The following NSA2 variants were observed in gnomAD, a reference collection of about 807,000 sequenced individuals.
The protein encoded by NSA2 is NSA2 ribosome biogenesis factor.
In NSA2, 18 loss-of-function variants were observed where a neutral mutation model predicts 34.8. The observed-to-expected ratio is 0.52, with a 90% confidence interval of 0.36 to 0.77. The LOEUF (loss-of-function observed/expected upper bound fraction) is 0.77, where lower values mean the gene tolerates loss of function less well. NSA2 is among the 30% of genes least tolerant of loss of function. The pLI, the probability that NSA2 is intolerant of heterozygous loss-of-function variation, is 0.00. For missense variants in NSA2, 188 were observed against 314.7 expected, an observed-to-expected ratio of 0.60 and a Z score of 3.05; for synonymous variants, 79 against 100.2, an observed-to-expected ratio of 0.79 and a Z score of 1.26.
intron 4 of NSA2, 25 bp downstream of exon 4, chr5:74,770,835 A>C (rs1220727792): frequency 6.7e-7 from 1 of 1,481,558 alleles, no homozygotes; most frequent in South Asian, 1.4e-5. Flanking sequence ...GAGTGTAATG[A>C]CCGAAATGTT....
Position 74,773,944 on chromosome 5 carries a change from A to G in NSA2, c.599A>G (p.Lys200Arg), listed in dbSNP as rs774400620. The G allele has an allele frequency of 3.1e-6, 5 of 1,614,026 alleles. No homozygotes were observed. The highest frequency in any genetic ancestry group is 1.7e-4 in the Middle Eastern group (1 of 6,060). The part of the protein sequence containing the change: ...ATFCLPILGV[K>R]KNPSSPLYTT... ...TTTTGCCTACCAATACTTGGTGTAAAGAAGAATCCCTCATCCCCACTGTAT... is the reference window on the plus strand; with the variant it reads ...TTTTGCCTACCAATACTTGGTGTAAGGAAGAATCCCTCATCCCCACTGTAT... Residue 200 changes from lysine to arginine, a missense_variant, in exon 5 of 6, where the codon AAG becomes AGG. Coordinates refer to ENST00000610426, the MANE Select transcript of NSA2 (RefSeq NM_014886.6).
intron 4 of NSA2, among the ~76,000 whole-genome samples, chr5:74,772,293 T>A (rs1053481779): frequency 6.6e-6 from 1 of 151,872 alleles, no homozygotes. Context: ...CCCGGCTAAT[T>A]TTTTTGTATT....
chr5:74,769,185 A>G, intron 2 of NSA2, 29 bp from the exon 3 acceptor site: 2 of 1,593,384 alleles, frequency 1.3e-6, no homozygotes, highest in Middle Eastern at 1.7e-4. Flanking sequence ...TAAAACAGAT[A>G]ATCTTGAATC....
intron 5 of NSA2, among the ~76,000 whole-genome samples, chr5:74,774,274 A>G (rs796814145): frequency 1.3e-5 from 2 of 152,352 alleles, no homozygotes; most frequent in South Asian, 2.1e-4. Context: ...GGTTTTAGTT[A>G]CATAAGGTGT....
In NSA2 at chr5:74,769,261, A is replaced by C; in HGVS notation, c.239A>C (p.Lys80Thr). The C allele has an allele frequency of 6.2e-7, 1 of 1,612,446 alleles. No homozygotes were observed. Among genetic ancestry groups the C allele is most frequent in the Non-Finnish European group, 8.5e-7 (1 of 1,179,598 alleles). Residue 80 changes from lysine to threonine, a missense_variant, in exon 3 of 6, where the codon AAG becomes ACG. By Grantham distance (78) the Lys-to-Thr change is moderately conservative. Transcript: ENST00000610426. ...AACACCAAACAAAAGAATGATGAAAAGACACCACAGGGAGCAGTACCTGCC... is the reference window on the plus strand; with the variant it reads ...AACACCAAACAAAAGAATGATGAAACGACACCACAGGGAGCAGTACCTGCC... ...KRNTKQKNDE[K>T]TPQGAVPAYL...
chr5:74,770,264 G>A (rs1302944177), intron 3 of NSA2, among the ~76,000 whole-genome samples: 1 of 151,224 alleles, frequency 6.6e-6, no homozygotes, highest in South Asian at 2.1e-4. Context: ...CCAGGAGGCG[G>A]AGGCTGCACA....
intron 4 of NSA2, 23 bp from the exon 5 acceptor site, chr5:74,773,844 CT>C: frequency 6.3e-7 from 1 of 1,592,752 alleles, no homozygotes; most frequent in Middle Eastern, 1.8e-4. Flanking sequence ...CGTAAACATT[CT>C]TATGTTGTGT....
rs1486356161 is a variant in NSA2 at position 74,777,281 on chromosome 5, A to AAAAT, written c.*611_*614dup. On this transcript the variant is annotated 3_prime_UTR_variant, in exon 6 of 6. Coordinates refer to ENST00000610426, the MANE Select transcript of NSA2 (RefSeq NM_014886.6). ...GGCACTATTTTCTACTTGAATCATGAAAATGAAAAAAATATACTAAAGTCT... is the reference window on the plus strand; with the variant it reads ...GGCACTATTTTCTACTTGAATCATGAAAATAAATGAAAAAAATATACTAAAGTCT... The AAAAT allele has an allele frequency of 2.0e-5, 3 of 152,296 alleles. No homozygotes were observed. The South Asian group carries it at 6.2e-4, about 32-fold the overall frequency. 9.4% of individuals were successfully genotyped at this position (152,296 alleles called of 1,614,324 possible). A position where few individuals can be genotyped will look rare whatever the true frequency, so the allele number is the denominator to read the frequency against.
rs1379616651 is a variant in NSA2 at position 74,776,800 on chromosome 5, T to C, written c.*129T>C. The C allele has an allele frequency of 1.8e-6, 1 of 562,486 alleles. No homozygotes were observed. Among genetic ancestry groups the C allele is most frequent in the African/African-American group, 1.9e-5 (1 of 52,000 alleles). 34.8% of individuals were successfully genotyped at this position (562,486 alleles called of 1,614,324 possible). A position where few individuals can be genotyped will look rare whatever the true frequency, so the allele number is the denominator to read the frequency against. The stretch of plus-strand genomic sequence containing the variant: ...GAAGAGATTTATTAAATTGTAAACA[T>C]TAAAGTGGTCCAGTTTTATAAATGG... On this transcript the variant is annotated 3_prime_UTR_variant, in exon 6 of 6. Coordinates refer to ENST00000610426, the MANE Select transcript of NSA2 (RefSeq NM_014886.6).
At chr5:74,775,552 G>A (rs1745082426) in intron 5 of NSA2, among the ~76,000 whole-genome samples, 1 of 152,158 alleles carries the variant, frequency 6.6e-6, no homozygotes, top group African/African-American at 2.4e-5. Flanking sequence ...GGAGCTTGCA[G>A]TGAGCTGAGA....
chr5:74,779,004 A>G lies in NSA2; in HGVS notation c.*2333A>G, dbSNP rs550962017. On this transcript the variant is annotated 3_prime_UTR_variant, in exon 6 of 6. Transcript: ENST00000610426. ...ACTCAAGTTACTGAACATGAGAGTT[A>G]GGTTTTTCCAAGTGATCTAACTTTT... 4.6e-5 allele frequency: 7 copies of G among 152,254 alleles called. No individual in the cohort carries two copies. Among genetic ancestry groups the G allele is most frequent in the African/African-American group, 1.7e-4 (7 of 41,580 alleles). 9.4% of individuals were successfully genotyped at this position (152,254 alleles called of 1,614,324 possible).
chr5:74,775,331 G>A (rs1477744496), intron 5 of NSA2, among the ~76,000 whole-genome samples: 4 of 151,812 alleles, frequency 2.6e-5, no homozygotes, highest in Admixed American at 6.6e-5. Context: ...AAGCCCCCTC[G>A]CTATCTGGGC....
At chr5:74,767,980 C>T (rs1744757322) in intron 1 of NSA2, among the ~76,000 whole-genome samples, 1 of 152,188 alleles carries the variant, frequency 6.6e-6, no homozygotes, top group South Asian at 2.1e-4. Context: ...GCTCTCTGTG[C>T]TGGACTTGGC....
At chr5:74,774,333 G>A (rs1360377525) in intron 5 of NSA2, among the ~76,000 whole-genome samples, 2 of 152,210 alleles carry the variant, frequency 1.3e-5, no homozygotes, top group Admixed American at 6.5e-5. Flanking sequence ...AGGCACAGCA[G>A]CTCACGCATG....
rs148709770 is a variant in NSA2, at chr5:74,769,242, A to G, written c.220A>G (p.Lys74Glu). Reference protein sequence around the residue: ...TIKMHEKRNTKQKNDEKTPQG... With the variant: ...TIKMHEKRNTEQKNDEKTPQG... ...CAAGATGCATGAAAAGAGAAACACCAAACAAAAGAATGATGAAAAGACACC... is the reference window on the plus strand; with the variant it reads ...CAAGATGCATGAAAAGAGAAACACCGAACAAAAGAATGATGAAAAGACACC... Residue 74 changes from lysine (K) to glutamate (E), a missense_variant, in exon 3 of 6, where the codon AAA (lysine) becomes GAA (glutamate). Physicochemically the swap from Lys to Glu is moderately conservative, Grantham distance 56. Coordinates refer to ENST00000610426, the MANE Select transcript of NSA2 (RefSeq NM_014886.6). 37 of 1,609,470 alleles carry G rather than the reference A, an allele frequency of 2.3e-5. No individual in the cohort carries two copies. Among genetic ancestry groups the G allele is most frequent in the Non-Finnish European group, 3.0e-5 (35 of 1,179,000 alleles).
chr5:74,772,682 T>A lies in NSA2; in HGVS notation c.523-1186T>A, dbSNP rs116688227. ...TTTCATATTCATAGTCTGAATATAT[T>A]TTGGTAGCCTTAACAGTTCTACAGG... is the stretch of plus-strand genomic sequence containing the variant. On this transcript the variant is annotated intron_variant, in intron 4 of 5. Transcript: ENST00000610426. Among the ~76,000 whole-genome samples, 1,355 of 152,316 alleles carry A rather than the reference T, an allele frequency of 8.9e-3. 12 individuals are homozygous for A. Among genetic ancestry groups the A allele is most frequent in the Non-Finnish European group, 0.015 (1,051 of 68,032 alleles).
chr5:74,773,905 AACTGAAAGCC>A lies in NSA2; in HGVS notation c.563_572del (p.Leu188ProfsTer9). 2 of 1,613,862 alleles carry A rather than the reference AACTGAAAGCC, an allele frequency of 1.2e-6. No individual in the cohort carries two copies. Among genetic ancestry groups the A allele is most frequent in the Admixed American group, 1.7e-5 (1 of 59,982 alleles). On this transcript the variant is annotated frameshift_variant, in exon 5 of 6. Coordinates refer to ENST00000610426, the MANE Select transcript of NSA2 (RefSeq NM_014886.6). LOFTEE classifies it high-confidence loss of function. ...AAGAAAGCCCATGTAACACATCCTG[AACTGAAAGCC>A]ACCTTTTGCCTACCAATACTTGGTG...
At chr5:74,770,483 C>T (rs1440140648) in intron 3 of NSA2, 148 bp from the exon 4 acceptor site, 6 of 567,660 alleles carry the variant, frequency 1.1e-5, no homozygotes, top group Admixed American at 3.3e-5. Flanking sequence ...TGAGACAATA[C>T]AGACCTCTAG....
At chr5:74,774,151 AT>A (rs1296556479) in intron 5 of NSA2, 91 bp downstream of exon 5, 13 of 834,438 alleles carry the variant, frequency 1.6e-5, no homozygotes, top group African/African-American at 3.4e-5. Flanking sequence ...TATACAGCAA[AT>A]TTTTTTAATG....
Sources: gnomAD v4.1 joint callset for allele counts (sites outside exome capture counted in the v4.1 genomes callset) on GRCh38, gnomAD v4.1.1 for gene constraint, MANE v1.5 for transcripts, NCBI Gene and HGNC (gene_info 2026-07-23, HGNC 2026-07-21) for gene names.